The following CPNE8 variants were observed in gnomAD, a reference collection of about 807,000 sequenced individuals.
The protein encoded by CPNE8 is copine-8.
In CPNE8, 45 loss-of-function variants were observed where a neutral mutation model predicts 81.5. That is an observed-to-expected ratio of 0.55 (90% CI 0.44 to 0.71). CPNE8 has a LOEUF of 0.71. CPNE8 is among the 30% of genes least tolerant of loss of function. CPNE8 has a pLI of 0.00. For synonymous variants in CPNE8, 252 were observed against 226.3 expected, an observed-to-expected ratio of 1.11 and a Z score of -1.02; for missense variants, 594 against 672.1, an observed-to-expected ratio of 0.88 and a Z score of 1.28.
At chr12:38,906,335 G>A (rs991726728), upstream of CPNE8, 3 of 985,576 alleles carry the variant, frequency 3.0e-6, no homozygotes, top group Non-Finnish European at 3.6e-6. Context: ...GTGGGGGCGG[G>A]GGGGCGGACT....
At chr12:38,730,925 T>A (rs1017197281) in intron 10 of CPNE8, among the ~76,000 whole-genome samples, 1 of 151,854 alleles carries the variant, frequency 6.6e-6, no homozygotes, top group Non-Finnish European at 1.5e-5. Context: ...CACCTTGAAG[T>A]AATCATCACT....
chr12:38,782,160 T>C (rs1942066806), intron 6 of CPNE8, among the ~76,000 whole-genome samples: 1 of 152,176 alleles, frequency 6.6e-6, no homozygotes, highest in South Asian at 2.1e-4. Flanking sequence ...GTGACAGGAA[T>C]ACAGGAATTT....
At chr12:38,786,274 T>C (rs1178689490) in intron 6 of CPNE8, among the ~76,000 whole-genome samples, 1 of 152,162 alleles carries the variant, frequency 6.6e-6, no homozygotes, top group East Asian at 1.9e-4. Flanking sequence ...GGATACAAAG[T>C]ATTGATCCTG....
At chr12:38,776,664 G>C (rs1214073492) in intron 6 of CPNE8, among the ~76,000 whole-genome samples, 1 of 151,978 alleles carries the variant, frequency 6.6e-6, no homozygotes, top group South Asian at 2.1e-4. Context: ...CTCTCCTCAA[G>C]AATCTTCAAT....
At chr12:38,669,548 C>G (rs997208877) in intron 19 of CPNE8, among the ~76,000 whole-genome samples, 3 of 152,078 alleles carry the variant, frequency 2.0e-5, no homozygotes, top group African/African-American at 7.2e-5. Flanking sequence ...CTATATGATC[C>G]CTGATAGAGC....
chr12:38,827,054 G>A (rs532886590), intron 6 of CPNE8, among the ~76,000 whole-genome samples: 14 of 149,442 alleles, frequency 9.4e-5, no homozygotes, highest in African/African-American at 1.5e-4. Context: ...CCACACGTGC[G>A]CCTGTAATCC....
chr12:38,877,294 C>T (rs1233596803), intron 1 of CPNE8, among the ~76,000 whole-genome samples: 1 of 152,042 alleles, frequency 6.6e-6, no homozygotes, highest in Non-Finnish European at 1.5e-5. Context: ...AATGAGAGGC[C>T]AAACCCACTA....
chr12:38,900,027 A>G (rs1487129111), intron 1 of CPNE8, among the ~76,000 whole-genome samples: 1 of 152,230 alleles, frequency 6.6e-6, no homozygotes, highest in East Asian at 1.9e-4. Flanking sequence ...ACCTTTCAGC[A>G]TTTCTTAAAT....
In CPNE8 at chr12:38,810,942, T is replaced by A. The variant is rs140218372; in HGVS notation, c.407+18437A>T. Among the ~76,000 whole-genome samples, 518 of 152,256 alleles carry A rather than the reference T, an allele frequency of 3.4e-3. 4 individuals carry two copies. The highest frequency in any genetic ancestry group is 0.012 in the African/African-American group (491 of 41,558). Reference sequence around the variant, plus strand: ...CTCTTAGACTTCCCCACCTACTGCATCTCTCCGACTTCCTAGTCTGCCTTT... The same window carrying A: ...CTCTTAGACTTCCCCACCTACTGCAACTCTCCGACTTCCTAGTCTGCCTTT... On this transcript the variant is annotated intron_variant, in intron 6 of 19. Coordinates refer to ENST00000331366, the MANE Select transcript of CPNE8 (RefSeq NM_153634.3).
chr12:38,698,751 T>C (rs1939858551), intron 14 of CPNE8, among the ~76,000 whole-genome samples: 1 of 152,218 alleles, frequency 6.6e-6, no homozygotes, highest in Admixed American at 6.5e-5. Flanking sequence ...TTCATTGATC[T>C]GAATAATCAT....
intron 5 of CPNE8, among the ~76,000 whole-genome samples, chr12:38,835,167 G>A (rs1311165831): frequency 6.6e-6 from 1 of 152,096 alleles, no homozygotes; most frequent in Non-Finnish European, 1.5e-5. Flanking sequence ...TTACAAGCAT[G>A]AGCCACCGCA....
intron 5 of CPNE8, among the ~76,000 whole-genome samples, chr12:38,837,061 T>G (rs1356956564): frequency 6.6e-6 from 1 of 152,066 alleles, no homozygotes; most frequent in Non-Finnish European, 1.5e-5. Context: ...AAGGATAGCT[T>G]AAAATGTAAA....
At chr12:38,797,017 C>A (rs901033059) in intron 6 of CPNE8, among the ~76,000 whole-genome samples, 2 of 152,176 alleles carry the variant, frequency 1.3e-5, no homozygotes, top group African/African-American at 2.4e-5. Flanking sequence ...ATTGCCCAGG[C>A]TTGCTTAGGT....
chr12:38,842,412 C>T (rs1943484656), intron 4 of CPNE8, among the ~76,000 whole-genome samples: 2 of 151,968 alleles, frequency 1.3e-5, no homozygotes, highest in Non-Finnish European at 2.9e-5. Context: ...AAAATGTTTT[C>T]ATCACAAAAA....
chr12:38,906,626 T>G (rs891082945), upstream of CPNE8: 2 of 985,034 alleles, frequency 2.0e-6, no homozygotes, highest in African/African-American at 3.5e-5. Context: ...GAGCGCTGCG[T>G]TTGGGAAACT....
At chr12:38,816,828 T>C (rs181353298) in intron 6 of CPNE8, among the ~76,000 whole-genome samples, 2 of 152,292 alleles carry the variant, frequency 1.3e-5, no homozygotes, top group East Asian at 3.9e-4. Flanking sequence ...AGCCAGTTGA[T>C]CTATCTCCAC....
intron 3 of CPNE8, among the ~76,000 whole-genome samples, chr12:38,861,485 C>T (rs187935966): frequency 2.4e-4 from 36 of 152,112 alleles, no homozygotes; most frequent in African/African-American, 7.2e-4. Context: ...AAAACATGAC[C>T]TACACAGAAC....
intron 6 of CPNE8, among the ~76,000 whole-genome samples, 181 bp from the exon 7 acceptor site, chr12:38,776,482 G>GT (rs933774080): frequency 1.3e-5 from 2 of 151,554 alleles, no homozygotes; most frequent in Non-Finnish European, 2.9e-5. Context: ...AATTTTGTAT[G>GT]TTTTTTTAGC....
intron 18 of CPNE8, 32 bp from the exon 19 acceptor site, chr12:38,670,834 A>G: frequency 6.7e-7 from 1 of 1,501,328 alleles, no homozygotes; most frequent in African/African-American, 1.4e-5. Flanking sequence ...TTTATTCAGT[A>G]CATTTTAGCC....
Sources: allele counts gnomAD v4.1 joint callset (sites outside exome capture counted in the v4.1 genomes callset), GRCh38; gene constraint gnomAD v4.1.1; transcripts MANE v1.5; gene names NCBI Gene and HGNC (gene_info 2026-07-23, HGNC 2026-07-21).